The following DTNA variants were observed in gnomAD, a reference collection of about 807,000 sequenced individuals.
DTNA encodes dystrobrevin alpha.
In DTNA, 43 loss-of-function variants were observed where a neutral mutation model predicts 100.7. The observed-to-expected ratio is 0.43, with a 90% confidence interval of 0.33 to 0.55. The LOEUF (loss-of-function observed/expected upper bound fraction) is 0.55, where lower values mean the gene tolerates loss of function less well. Among genes scored for constraint, DTNA ranks in the 20% least tolerant of loss-of-function variants. The pLI is 0.04. For missense variants in DTNA, 798 were observed against 953.9 expected (o/e 0.84, Z 2.15); for synonymous variants, 349 against 347.9 (o/e 1.00, Z -0.04).
intron 2 of DTNA, among the ~76,000 whole-genome samples, chr18:34,759,377 T>C (rs753074638): frequency 6.6e-6 from 1 of 152,218 alleles, no homozygotes; most frequent in Non-Finnish European, 1.5e-5. Context: ...CTTGTGAACA[T>C]GTCCACAACA....
chr18:34,659,572 A>G (rs538130957), intron 1 of DTNA, among the ~76,000 whole-genome samples: 1 of 152,236 alleles, frequency 6.6e-6, no homozygotes, highest in East Asian at 1.9e-4. Context: ...TCCTTACACA[A>G]GAAATCCATA....
In DTNA at chr18:34,577,691, G is replaced by T. The variant is rs1304809442; in HGVS notation, c.-2+84177G>T. On this transcript the variant is annotated intron_variant, in intron 1 of 19. Transcript: ENST00000283365. Reference sequence around the variant, plus strand: ...TATGAGTGAGAACATATGATGTTTGGTTTTCTATTCCTGAGTTACTTGACT... The same window carrying T: ...TATGAGTGAGAACATATGATGTTTGTTTTTCTATTCCTGAGTTACTTGACT... 5.3e-5 allele frequency among the ~76,000 whole-genome samples: 8 copies of T among 152,124 alleles called. No homozygotes were observed. The East Asian group carries it at 1.5e-3, about 29-fold the overall frequency.
chr18:34,823,740 G>A (rs1382006033), intron 9 of DTNA, among the ~76,000 whole-genome samples: 3 of 152,076 alleles, frequency 2.0e-5, no homozygotes, highest in African/African-American at 7.2e-5. Flanking sequence ...TTTAATTGTA[G>A]TACAAACCAC....
At chr18:34,639,739 A>T (rs569211485) in intron 1 of DTNA, among the ~76,000 whole-genome samples, 28 of 151,914 alleles carry the variant, frequency 1.8e-4, no homozygotes, top group Admixed American at 1.2e-3. Context: ...GTTAAATTAA[A>T]CTCAGAATTG....
rs112239862 is a variant in DTNA at position 34,791,370 on chromosome 18, C to T, written c.149-2667C>T. 6.3e-3 allele frequency among the ~76,000 whole-genome samples: 961 copies of T among 152,136 alleles called. 15 individuals are homozygous for T. Among genetic ancestry groups the T allele is most frequent in the African/African-American group, 0.022 (896 of 41,472 alleles). On this transcript the variant is annotated intron_variant, in intron 3 of 22. Transcript: ENST00000444659. ...GATAGGTCACAGGGACCAAGCAGGA[C>T]GACAGGCTGGATGTCATCAGCACTG...
intron 1 of DTNA, among the ~76,000 whole-genome samples, chr18:34,722,606 T>TACACACAC (rs71166022): frequency 0.016 from 2,364 of 147,180 alleles, 66 homozygotes; most frequent in African/African-American, 0.056. Context: ...TATATATACA[T>TACACACAC]ACACACACAC....
At chr18:34,518,325 A>G (rs1289287867) in intron 1 of DTNA, among the ~76,000 whole-genome samples, 1 of 151,918 alleles carries the variant, frequency 6.6e-6, no homozygotes, top group Non-Finnish European at 1.5e-5. Context: ...TATATTCTAT[A>G]TGTTGGATTT....
intron 1 of DTNA, among the ~76,000 whole-genome samples, chr18:34,667,133 C>T (rs1453836236): frequency 6.6e-6 from 1 of 152,100 alleles, no homozygotes; most frequent in Non-Finnish European, 1.5e-5. Flanking sequence ...TGAAGAGGTC[C>T]TTCACATCCC....
At chr18:34,536,267 T>A (rs2043702743) in intron 1 of DTNA, among the ~76,000 whole-genome samples, 1 of 152,016 alleles carries the variant, frequency 6.6e-6, no homozygotes, top group Non-Finnish European at 1.5e-5. Flanking sequence ...TTGTCTTTTT[T>A]GAGGCAAACA....
chr18:34,660,076 A>G (rs976317173), intron 1 of DTNA, among the ~76,000 whole-genome samples: 1 of 152,238 alleles, frequency 6.6e-6, no homozygotes, highest in Admixed American at 6.5e-5. Context: ...AAATGAGTAT[A>G]CAAGAGAGGG....
chr18:34,881,993 A>G, intron 20 of DTNA, 76 bp from the exon 21 acceptor site: 3 of 1,605,654 alleles, frequency 1.9e-6, no homozygotes, highest in Non-Finnish European at 2.6e-6. Context: ...CAACGAAACT[A>G]CAGCTCACAC....
At chr18:34,843,850 A>G (rs2096321907) in intron 13 of DTNA, among the ~76,000 whole-genome samples, 1 of 152,066 alleles carries the variant, frequency 6.6e-6, no homozygotes, top group South Asian at 2.1e-4. Flanking sequence ...TTTTTAGTAC[A>G]TTTTGTTGAT....
chr18:34,557,743 C>A (rs889639010), intron 1 of DTNA, among the ~76,000 whole-genome samples: 1 of 151,230 alleles, frequency 6.6e-6, no homozygotes, highest in Non-Finnish European at 1.5e-5. Context: ...TTTCCAGCTA[C>A]GTGCTGGGAG....
At chr18:34,728,204 T>C (rs1424680441) in intron 1 of DTNA, among the ~76,000 whole-genome samples, 1 of 152,194 alleles carries the variant, frequency 6.6e-6, no homozygotes, top group African/African-American at 2.4e-5. Context: ...GTATGGTTTT[T>C]ATCTTCTTTT....
At chr18:34,760,669 TG>T (rs1178016407) in intron 2 of DTNA, among the ~76,000 whole-genome samples, 1 of 152,182 alleles carries the variant, frequency 6.6e-6, no homozygotes, top group Non-Finnish European at 1.5e-5. Flanking sequence ...CTGCGGTCTT[TG>T]AACAACTGCC....
At chr18:34,583,502 T>C (rs2048831837) in intron 1 of DTNA, among the ~76,000 whole-genome samples, 1 of 151,916 alleles carries the variant, frequency 6.6e-6, no homozygotes, top group African/African-American at 2.4e-5. Context: ...AAGGAACTGC[T>C]ATAATGACAA....
chr18:34,776,056 A>G (rs1421796111), intron 3 of DTNA, among the ~76,000 whole-genome samples: 2 of 152,234 alleles, frequency 1.3e-5, no homozygotes, highest in African/African-American at 4.8e-5. Flanking sequence ...ATAAAATTCA[A>G]AGCAGGACTG....
intron 11 of DTNA, among the ~76,000 whole-genome samples, chr18:34,834,757 C>A (rs1603003693): frequency 6.6e-6 from 1 of 152,208 alleles, no homozygotes; most frequent in East Asian, 1.9e-4. Flanking sequence ...AGAATGGCAC[C>A]AAGCCATTCA....
intron 1 of DTNA, among the ~76,000 whole-genome samples, chr18:34,590,941 GAGATTTCTA>G (rs1263488905): frequency 3.9e-5 from 6 of 152,124 alleles, no homozygotes; most frequent in Non-Finnish European, 8.8e-5. Context: ...TGAGTGTTCT[GAGATTTCTA>G]AGACTGGCAC....
Sources: allele counts gnomAD v4.1 joint callset (sites outside exome capture counted in the v4.1 genomes callset), GRCh38; gene constraint gnomAD v4.1.1; transcripts MANE v1.5; gene names NCBI Gene and HGNC (gene_info 2026-07-23, HGNC 2026-07-21).